Variants in RERE observed in about 807,000 individuals in gnomAD.
RERE encodes arginine-glutamic acid dipeptide repeats.
RERE carries 40 observed loss-of-function variants against 146.1 expected under a neutral mutation model. That is an observed-to-expected ratio of 0.27 (90% CI 0.21 to 0.36). The LOEUF (loss-of-function observed/expected upper bound fraction) is 0.36, where lower values mean the gene tolerates loss of function less well. RERE is among the 10% of genes least tolerant of loss of function. The pLI is 1.00. For synonymous variants in RERE, 1,003 were observed against 866.0 expected (o/e 1.16, Z -2.78); for missense variants, 1,933 against 2,138.7 (o/e 0.90, Z 1.90).
At chr1:8,655,365 C>A (rs1364830233) in intron 2 of RERE, among the ~76,000 whole-genome samples, 22 of 151,950 alleles carry the variant, frequency 1.4e-4, no homozygotes, top group Non-Finnish European at 5.9e-5. Flanking sequence ...CACCACCGAG[C>A]CCAGCTAATT....
intron 1 of RERE, among the ~76,000 whole-genome samples, chr1:8,703,499 C>T (rs1197598878): frequency 6.6e-6 from 1 of 151,820 alleles, no homozygotes; most frequent in Admixed American, 6.6e-5. Context: ...CGCACCCCTG[C>T]TGGCCGCCGC....
At chr1:8,786,242 G>T in intron 1 of RERE, 1 of 967,656 alleles carries the variant, frequency 1.0e-6, no homozygotes, top group Non-Finnish European at 1.6e-6. Flanking sequence ...CCTCCCTGTT[G>T]CCAGCATCTC....
At chr1:8,375,520 A>AGCAGCCACTGAAAATGTTTCCTCG (rs1431903406) in intron 12 of RERE, among the ~76,000 whole-genome samples, 1 of 105,992 alleles carries the variant, frequency 9.4e-6, no homozygotes, top group Admixed American at 1.1e-4. Flanking sequence ...ATGCTTCCTC[A>AGCAGCCACTGAAAATGTTTCCTCG]CTCAGCAGCC....
intron 10 of RERE, among the ~76,000 whole-genome samples, chr1:8,483,905 T>C (rs1644866444): frequency 6.6e-6 from 1 of 152,180 alleles, no homozygotes; most frequent in African/African-American, 2.4e-5. Flanking sequence ...GGTGAAATCT[T>C]TGTTGCATGA....
intron 2 of RERE, among the ~76,000 whole-genome samples, chr1:8,647,647 G>GTA (rs1647385967): frequency 1.4e-5 from 2 of 141,594 alleles, no homozygotes; most frequent in Admixed American, 1.4e-4. Context: ...ATGTATGTGT[G>GTA]TGTGTGTGTG....
intron 4 of RERE, among the ~76,000 whole-genome samples, chr1:8,574,232 G>A (rs1241091174): frequency 1.3e-5 from 2 of 151,352 alleles, no homozygotes; most frequent in African/African-American, 4.9e-5. Flanking sequence ...TATTTCCCAG[G>A]TACTCCTTTT....
chr1:8,379,132 G>C (rs1229905873), intron 12 of RERE, among the ~76,000 whole-genome samples: 1 of 152,116 alleles, frequency 6.6e-6, no homozygotes, highest in Admixed American at 6.5e-5. Flanking sequence ...GCTGGCTCGC[G>C]TGAAGGGACA....
At chr1:8,376,153 G>GA (rs1642241794) in intron 12 of RERE, among the ~76,000 whole-genome samples, 1 of 152,164 alleles carries the variant, frequency 6.6e-6, no homozygotes, top group Non-Finnish European at 1.5e-5. Context: ...GCACTAAGAG[G>GA]AAATAGCCAT....
intron 1 of RERE, among the ~76,000 whole-genome samples, chr1:8,792,784 T>A (rs573842861): frequency 1.3e-5 from 2 of 152,194 alleles, no homozygotes; most frequent in Non-Finnish European, 2.9e-5. Flanking sequence ...GGATTCTTTT[T>A]AACAGTGTCT....
chr1:8,711,187 A>AAAAG (rs1639661393), intron 1 of RERE, among the ~76,000 whole-genome samples: 2 of 138,534 alleles, frequency 1.4e-5, no homozygotes, highest in African/African-American at 5.3e-5. Context: ...AAAAAAAAAA[A>AAAAG]GGGAGTGATA....
At chr1:8,545,733 G>C (rs1645851672) in intron 6 of RERE, among the ~76,000 whole-genome samples, 1 of 148,090 alleles carries the variant, frequency 6.8e-6, no homozygotes, top group African/African-American at 2.5e-5. Flanking sequence ...ACCCAGACTG[G>C]AGTGCAATGG....
intron 12 of RERE, among the ~76,000 whole-genome samples, chr1:8,413,952 G>C (rs2661862): frequency 1.3e-5 from 2 of 150,928 alleles, no homozygotes; most frequent in East Asian, 4.0e-4. Context: ...CCATTCGGGA[G>C]GAAGAGGGAG....
chr1:8,723,252 T>C (rs1639897166), intron 1 of RERE, among the ~76,000 whole-genome samples: 1 of 152,082 alleles, frequency 6.6e-6, no homozygotes. Flanking sequence ...AGGTTAGAGA[T>C]AAGGAAGAAT....
chr1:8,774,237 G>T (rs920771638), intron 1 of RERE, among the ~76,000 whole-genome samples: 3 of 151,122 alleles, frequency 2.0e-5, no homozygotes, highest in Admixed American at 1.3e-4. Flanking sequence ...GTCTTTCTTT[G>T]GTCCTCAGTT....
At chr1:8,520,498 T>C (rs1294790974) in intron 7 of RERE, among the ~76,000 whole-genome samples, 1 of 151,964 alleles carries the variant, frequency 6.6e-6, no homozygotes, top group African/African-American at 2.4e-5. Context: ...AAAAAACTGG[T>C]CAAAAAAATT....
At chr1:8,357,489 C>T (rs1050296949) in intron 20 of RERE, among the ~76,000 whole-genome samples, 1 of 152,198 alleles carries the variant, frequency 6.6e-6, no homozygotes, top group African/African-American at 2.4e-5. Context: ...AGTGAGGAAG[C>T]CCTGCACGTA....
chr1:8,383,543 G>A (rs1477490515), intron 12 of RERE, among the ~76,000 whole-genome samples: 2 of 151,948 alleles, frequency 1.3e-5, no homozygotes, highest in African/African-American at 2.4e-5. Context: ...TAAATGTGTC[G>A]AAGAACATAC....
Position 8,423,704 on chromosome 1 carries a change from GCGTGTGACCGC to G in RERE, c.1204-908_1204-898del. ...GGCGGAGGCGGCCGCGGGTGGCTCG[GCGTGTGACCGC>G]GGCGGGGCCGCGCGGCGCGGGGCCC... On this transcript the variant is annotated intron_variant, in intron 11 of 22. Transcript: ENST00000400908. This position sits in a 1 kb window ranked among gnomAD's most constrained non-coding sequence, Gnocchi z 5.4. 1 of 981,502 alleles carries G rather than the reference GCGTGTGACCGC, an allele frequency of 1.0e-6. No homozygotes were observed. Among genetic ancestry groups the G allele is most frequent in the Non-Finnish European group, 1.2e-6 (1 of 828,614 alleles). 60.8% of individuals were successfully genotyped at this position (981,502 alleles called of 1,614,324 possible).
chr1:8,779,916 G>A (rs920375183), intron 1 of RERE, among the ~76,000 whole-genome samples: 15 of 151,994 alleles, frequency 9.9e-5, no homozygotes, highest in Admixed American at 3.3e-4. Context: ...CTTAGTGGCC[G>A]GGAGCAGCTT....
Sources: gnomAD v4.1 joint callset for allele counts (sites outside exome capture counted in the v4.1 genomes callset) on GRCh38, gnomAD v4.1.1 for gene constraint, Gnocchi (gnomAD v3.1) non-coding constraint, MANE v1.5 for transcripts, NCBI Gene and HGNC (gene_info 2026-07-23, HGNC 2026-07-21) for gene names.